Variants in KHDRBS2 observed in about 807,000 individuals in gnomAD.
KHDRBS2 encodes the protein KH RNA binding domain containing, signal transduction associated 2.
Under a neutral mutation model 44.3 loss-of-function variants are expected in KHDRBS2, and 26 were observed. That is an observed-to-expected ratio of 0.59 (90% CI 0.43 to 0.81). The LOEUF (loss-of-function observed/expected upper bound fraction) is 0.81, where lower values mean the gene tolerates loss of function less well. Ranked by LOEUF, KHDRBS2 falls within the 40% of genes least tolerant of loss-of-function variation. The probability of loss-of-function intolerance (pLI) is 0.00; values close to 1 mark genes in which losing one functional copy is unlikely to be tolerated. For synonymous variants in KHDRBS2, 194 were observed against 151.1 expected, an observed-to-expected ratio of 1.28 and a Z score of -2.08; for missense variants, 476 against 433.1, an observed-to-expected ratio of 1.10 and a Z score of -0.88.
chr6:62,120,286 G>T (rs1424118085), intron 2 of KHDRBS2, among the ~76,000 whole-genome samples: 1 of 152,090 alleles, frequency 6.6e-6, no homozygotes, highest in Non-Finnish European at 1.5e-5. Context: ...ATGCTAGAGT[G>T]AATTAGTCAC....
chr6:61,886,908 A>C (rs921155884), intron 6 of KHDRBS2, among the ~76,000 whole-genome samples: 9 of 152,126 alleles, frequency 5.9e-5, no homozygotes, highest in African/African-American at 2.2e-4. Flanking sequence ...AGTTCTCTGT[A>C]GTTGGAGGTC....
intron 2 of KHDRBS2, among the ~76,000 whole-genome samples, chr6:62,087,027 C>T (rs1297197805): frequency 6.6e-6 from 1 of 151,054 alleles, no homozygotes; most frequent in Non-Finnish European, 1.5e-5. Flanking sequence ...TTGTTTAACT[C>T]AATACAAAAA....
chr6:62,031,067 A>G (rs1784256104), intron 3 of KHDRBS2, among the ~76,000 whole-genome samples: 1 of 152,116 alleles, frequency 6.6e-6, no homozygotes, highest in Admixed American at 6.6e-5. Flanking sequence ...GCAATACTAG[A>G]AAAAGGATAG....
At chr6:62,022,831 C>A (rs1382441511) in intron 3 of KHDRBS2, among the ~76,000 whole-genome samples, 2 of 151,580 alleles carry the variant, frequency 1.3e-5, no homozygotes, top group African/African-American at 4.8e-5. Flanking sequence ...TTGTTTATTG[C>A]AATAGTGAAA....
At chr6:61,876,582 T>C (rs1189234153) in intron 6 of KHDRBS2, among the ~76,000 whole-genome samples, 1 of 152,090 alleles carries the variant, frequency 6.6e-6, no homozygotes, top group Admixed American at 6.6e-5. Context: ...CCTAGACTTC[T>C]GAGGCTCTGC....
chr6:62,246,102 T>TTATATATATATATATATA (rs150717074), intron 1 of KHDRBS2, among the ~76,000 whole-genome samples: 29 of 124,340 alleles, frequency 2.3e-4, no homozygotes, highest in African/African-American at 4.9e-4. Flanking sequence ...TCAATCAATT[T>TTATATATATATATATATA]TATATATATA....
intron 1 of KHDRBS2, among the ~76,000 whole-genome samples, chr6:62,233,608 T>C (rs1203817608): frequency 1.3e-5 from 2 of 152,200 alleles, no homozygotes; most frequent in Admixed American, 1.3e-4. Context: ...CTGGTACGCA[T>C]TGGTTGTTTT....
At chr6:62,243,112 T>C (rs1223643535) in intron 1 of KHDRBS2, among the ~76,000 whole-genome samples, 2 of 152,174 alleles carry the variant, frequency 1.3e-5, no homozygotes, top group Non-Finnish European at 2.9e-5. Context: ...TGCAAGTTGT[T>C]CTAGAAATAC....
intron 6 of KHDRBS2, among the ~76,000 whole-genome samples, chr6:61,747,344 T>C (rs1007588236): frequency 6.6e-6 from 1 of 152,168 alleles, no homozygotes; most frequent in Non-Finnish European, 1.5e-5. Context: ...GGTGTTATGT[T>C]GGTTGTTCAA....
At chr6:61,854,447 C>T (rs1795883033) in intron 6 of KHDRBS2, among the ~76,000 whole-genome samples, 2 of 152,020 alleles carry the variant, frequency 1.3e-5, no homozygotes. Flanking sequence ...CTAATGATTA[C>T]CTTGCCAATA....
intron 6 of KHDRBS2, among the ~76,000 whole-genome samples, chr6:61,839,130 G>A (rs1793181938): frequency 6.6e-6 from 1 of 151,996 alleles, no homozygotes; most frequent in South Asian, 2.1e-4. Context: ...TGGGGTGGGG[G>A]AAACCACAGA....
the KHDRBS2 span, among the ~76,000 whole-genome samples, chr6:61,662,777 T>C: frequency 9.9e-5 from 15 of 151,738 alleles, no homozygotes; most frequent in Middle Eastern, 3.4e-3. Flanking sequence ...TGTGGAGAAA[T>C]AGGAACACTT....
chr6:61,593,962 T>C, the KHDRBS2 span, among the ~76,000 whole-genome samples: 1 of 152,106 alleles, frequency 6.6e-6, no homozygotes, highest in African/African-American at 2.4e-5. Flanking sequence ...AATATGACAT[T>C]CCAGTCAAAG....
At chr6:61,821,430 C>A (rs1789896550) in intron 6 of KHDRBS2, among the ~76,000 whole-genome samples, 1 of 151,944 alleles carries the variant, frequency 6.6e-6, no homozygotes. Context: ...CATTAGTGGA[C>A]ACAGGATATG....
At chr6:61,879,710 GTATGTACTATA>G (rs1799942535) in intron 6 of KHDRBS2, among the ~76,000 whole-genome samples, 2 of 151,818 alleles carry the variant, frequency 1.3e-5, no homozygotes, top group South Asian at 4.2e-4. Flanking sequence ...GCTGCTAACT[GTATGTACTATA>G]TAAATTTAGG....
chr6:61,607,131 T>C, the KHDRBS2 span, among the ~76,000 whole-genome samples: 1 of 151,904 alleles, frequency 6.6e-6, no homozygotes, highest in African/African-American at 2.4e-5. Context: ...CAGACTATTA[T>C]AATCATAAAA....
chr6:61,949,689 T>C (rs1217589228), intron 4 of KHDRBS2, among the ~76,000 whole-genome samples: 1 of 152,098 alleles, frequency 6.6e-6, no homozygotes, highest in Non-Finnish European at 1.5e-5. Context: ...TATAGATTTA[T>C]GTTTATAGAT....
In KHDRBS2 at chr6:61,870,820, A is replaced by AT. The variant is rs976819708; in HGVS notation, c.810+23814dup. On this transcript the variant is annotated intron_variant, in intron 6 of 8. Transcript: ENST00000281156. ...AAGAAAAACTAACAAACAGAAAGAA[A>AT]TAGCACATCCACTCAGAGACCCCAA... is the stretch of plus-strand genomic sequence containing the variant. 2.0e-4 allele frequency among the ~76,000 whole-genome samples: 30 copies of AT among 152,272 alleles called. No individual in the cohort carries two copies. The East Asian group carries it at 5.4e-3, about 28-fold the overall frequency.
At chr6:62,002,111 C>G (rs1380875796) in intron 3 of KHDRBS2, among the ~76,000 whole-genome samples, 1 of 151,676 alleles carries the variant, frequency 6.6e-6, no homozygotes, top group African/African-American at 2.4e-5. Flanking sequence ...TCAGAAAGTG[C>G]ACACATTTGA....
Sources: gnomAD v4.1 joint callset for allele counts (sites outside exome capture counted in the v4.1 genomes callset) on GRCh38, gnomAD v4.1.1 for gene constraint, MANE v1.5 for transcripts, NCBI Gene and HGNC (gene_info 2026-07-23, HGNC 2026-07-21) for gene names.